The following ACVR1 variants were observed in gnomAD, a reference collection of about 807,000 sequenced individuals.
The protein encoded by ACVR1 is activin receptor type-1.
ACVR1 carries 38 observed loss-of-function variants against 57.1 expected under a neutral mutation model. That is an observed-to-expected ratio of 0.67 (90% CI 0.51 to 0.87). The LOEUF is 0.87. ACVR1 is among the 40% of genes least tolerant of loss of function. The pLI is 0.00. For missense variants in ACVR1, 463 were observed against 638.2 expected, an observed-to-expected ratio of 0.73 and a Z score of 2.96; for synonymous variants, 212 against 228.1, an observed-to-expected ratio of 0.93 and a Z score of 0.63.
intron 7 of ACVR1, among the ~76,000 whole-genome samples, chr2:157,767,492 C>A (rs1054706215): frequency 1.3e-5 from 2 of 151,896 alleles, no homozygotes; most frequent in Non-Finnish European, 2.9e-5. Context: ...CATATATGAA[C>A]CACGCTGGTA....
chr2:157,875,372 G>A (rs532643595), intron 1 of ACVR1, among the ~76,000 whole-genome samples: 29 of 152,204 alleles, frequency 1.9e-4, no homozygotes, highest in Admixed American at 1.8e-3. Flanking sequence ...TGAGGGTGGG[G>A]GAAATTCGCC....
chr2:157,856,930 G>C (rs1689555143), intron 1 of ACVR1, among the ~76,000 whole-genome samples: 1 of 152,114 alleles, frequency 6.6e-6, no homozygotes, highest in Non-Finnish European at 1.5e-5. Context: ...CAGGTACAGT[G>C]GTTTACGCCT....
intron 1 of ACVR1, among the ~76,000 whole-genome samples, chr2:157,856,680 A>G (rs893203909): frequency 6.6e-6 from 1 of 152,162 alleles, no homozygotes; most frequent in Non-Finnish European, 1.5e-5. Flanking sequence ...GTCCCTTTGA[A>G]GTCCAGAGAG....
At chr2:157,769,204 G>A (rs928203562) in intron 7 of ACVR1, among the ~76,000 whole-genome samples, 6 of 152,148 alleles carry the variant, frequency 3.9e-5, no homozygotes, top group African/African-American at 1.4e-4. Context: ...ACTGAATGGG[G>A]CATACTTGTA....
intron 1 of ACVR1, among the ~76,000 whole-genome samples, chr2:157,829,714 C>A (rs1688514801): frequency 6.6e-6 from 1 of 152,194 alleles, no homozygotes; most frequent in South Asian, 2.1e-4. Flanking sequence ...TCAGGATCAG[C>A]CCCAGCATCA....
chr2:157,741,256 T>C (rs1048148668), intron 9 of ACVR1, among the ~76,000 whole-genome samples: 1 of 152,220 alleles, frequency 6.6e-6, no homozygotes, highest in African/African-American at 2.4e-5. Flanking sequence ...ATTCTCATTC[T>C]ACTTTCACTT....
chr2:157,807,657 C>T (rs1040562360), intron 2 of ACVR1, among the ~76,000 whole-genome samples: 3 of 151,856 alleles, frequency 2.0e-5, no homozygotes, highest in African/African-American at 4.8e-5. Flanking sequence ...TTTCAAATCC[C>T]GCTTCTTCCC....
intron 1 of ACVR1, among the ~76,000 whole-genome samples, chr2:157,860,370 G>A (rs747838893): frequency 8.5e-5 from 13 of 152,150 alleles, no homozygotes; most frequent in African/African-American, 2.2e-4. Flanking sequence ...AGGAAGCAGC[G>A]CTGGCATTCT....
chr2:157,809,526 A>ACAGGGAGAGGAGG (rs2105318806), intron 2 of ACVR1, among the ~76,000 whole-genome samples: 1 of 152,228 alleles, frequency 6.6e-6, no homozygotes, highest in East Asian at 1.9e-4. Context: ...CAAGGAGGAG[A>ACAGGGAGAGGAGG]CAGGGAGAGG....
chr2:157,746,128 A>T (rs1684954874), intron 9 of ACVR1, among the ~76,000 whole-genome samples: 1 of 152,140 alleles, frequency 6.6e-6, no homozygotes, highest in Non-Finnish European at 1.5e-5. Flanking sequence ...GAGGGGAAAC[A>T]AATGTACTAG....
At chr2:157,839,653 G>A (rs1688912895) in intron 1 of ACVR1, among the ~76,000 whole-genome samples, 1 of 152,100 alleles carries the variant, frequency 6.6e-6, no homozygotes, top group South Asian at 2.1e-4. Flanking sequence ...TACCAGGCAT[G>A]GCATCCATTA....
chr2:157,823,985 T>C lies in ACVR1; in HGVS notation c.-182-5426A>G, dbSNP rs75892461. Among the ~76,000 whole-genome samples the C allele has an allele frequency of 4.1e-3, 631 of 152,280 alleles. 9 individuals carry two copies. The highest frequency in any genetic ancestry group is 0.015 in the African/African-American group (608 of 41,564). ...ATCTTTTCCTGCAAAACAGGCGTCA[T>C]GACTCCCTTGCAGAGCTGCCACGTA... On this transcript the variant is annotated intron_variant, in intron 1 of 10. Coordinates refer to ENST00000434821, the MANE Select transcript of ACVR1 (RefSeq NM_001111067.4).
intron 1 of ACVR1, among the ~76,000 whole-genome samples, chr2:157,843,122 G>A (rs112245952): frequency 5.3e-5 from 8 of 152,314 alleles, no homozygotes; most frequent in African/African-American, 1.7e-4. Context: ...CAGCTAGCAT[G>A]ATAAATGCTT....
At chr2:157,741,663 T>C (rs1000119592) in intron 9 of ACVR1, among the ~76,000 whole-genome samples, 2 of 148,298 alleles carry the variant, frequency 1.3e-5, no homozygotes, top group Admixed American at 1.3e-4. Context: ...AAGAAAAAGA[T>C]GCAGTGTTGG....
intron 3 of ACVR1, chr2:157,790,176 A>G (rs938580880): frequency 2.0e-5 from 3 of 152,300 alleles, no homozygotes; most frequent in African/African-American, 7.2e-5. Flanking sequence ...GCAGTCGGCC[A>G]GGGGCTGGTG....
At chr2:157,762,222 T>C (rs1336745176) in intron 8 of ACVR1, among the ~76,000 whole-genome samples, 1 of 152,192 alleles carries the variant, frequency 6.6e-6, no homozygotes, top group East Asian at 1.9e-4. Flanking sequence ...AGTCCAAAAA[T>C]AGGTAAGTAC....
chr2:157,851,044 C>A (rs970322333), intron 1 of ACVR1, among the ~76,000 whole-genome samples: 4 of 152,096 alleles, frequency 2.6e-5, no homozygotes, highest in Admixed American at 2.6e-4. Context: ...ACAGATTAGA[C>A]AGATCTGTTA....
At chr2:157,847,202 A>C (rs1019469215) in intron 1 of ACVR1, among the ~76,000 whole-genome samples, 1 of 152,214 alleles carries the variant, frequency 6.6e-6, no homozygotes, top group Non-Finnish European at 1.5e-5. Flanking sequence ...AAATTTAACG[A>C]AACAATTATT....
chr2:157,764,328 G>A (rs1439653168), intron 8 of ACVR1, among the ~76,000 whole-genome samples: 5 of 150,430 alleles, frequency 3.3e-5, no homozygotes, highest in Non-Finnish European at 1.5e-5. Flanking sequence ...GATTCCAGAC[G>A]CACGCTACCA....
Sources: gnomAD v4.1 joint callset for allele counts (sites outside exome capture counted in the v4.1 genomes callset) on GRCh38, gnomAD v4.1.1 for gene constraint, MANE v1.5 for transcripts, NCBI Gene and HGNC (gene_info 2026-07-23, HGNC 2026-07-21) for gene names.